Variants in ACOT12 observed in about 807,000 individuals in gnomAD.
ACOT12 encodes the protein acetyl-coenzyme A thioesterase.
In ACOT12, 51 loss-of-function variants were observed where a neutral mutation model predicts 67.7. The observed-to-expected ratio is 0.75, with a 90% CI of 0.60 to 0.95. The LOEUF (loss-of-function observed/expected upper bound fraction) is 0.95. ACOT12 is among the 40% of genes least tolerant of loss of function. ACOT12 has a pLI of 0.00. For synonymous variants in ACOT12, 251 were observed against 244.6 expected, an observed-to-expected ratio of 1.03 and a Z score of -0.24; for missense variants, 734 against 708.1, an observed-to-expected ratio of 1.04 and a Z score of -0.41.
intron 6 of ACOT12, 27 bp downstream of exon 6, chr5:81,347,747 C>T (rs774764503): frequency 6.2e-7 from 1 of 1,608,624 alleles, no homozygotes; most frequent in Non-Finnish European, 8.5e-7. Flanking sequence ...GTCCCAAAAT[C>T]ATAGGCCGAA....
chr5:81,311,138 T>G, the ACOT12 span: 1 of 1,492,016 alleles, frequency 6.7e-7, no homozygotes, highest in Admixed American at 1.7e-5. Context: ...CAGTAAGATG[T>G]GAAAGTGCTT....
intron 1 of ACOT12, among the ~76,000 whole-genome samples, chr5:81,387,255 T>G (rs1022779584): frequency 7.2e-5 from 11 of 152,076 alleles, no homozygotes; most frequent in Admixed American, 6.6e-4. Context: ...TCTGCCTGCC[T>G]CAGCCTCCCA....
intron 1 of ACOT12, among the ~76,000 whole-genome samples, chr5:81,387,532 C>CTTTTTTT (rs71000823): frequency 7.9e-6 from 1 of 127,274 alleles, no homozygotes; most frequent in African/African-American, 3.0e-5. Context: ...TCTTGAGTAT[C>CTTTTTTT]TTTTTTTTTT....
chr5:81,339,599 C>T lies in ACOT12; in HGVS notation c.1128+3073G>A, dbSNP rs571839698. On this transcript the variant is annotated intron_variant, in intron 11 of 14. Transcript: ENST00000307624. ...GAATGGCCTCCTCTCTAAAGTTCTC[C>T]CTATATAACTGTCTTCTCTTGGAAT... is the stretch of plus-strand genomic sequence containing the variant. 2.0e-5 allele frequency among the ~76,000 whole-genome samples: 3 copies of T among 152,288 alleles called. No homozygotes were observed. The East Asian group carries it at 5.8e-4, about 29-fold the overall frequency.
intron 5 of ACOT12, among the ~76,000 whole-genome samples, chr5:81,356,524 G>A (rs1455498448): frequency 6.6e-6 from 1 of 152,120 alleles, no homozygotes; most frequent in Non-Finnish European, 1.5e-5. Flanking sequence ...TTGTCTCTCA[G>A]ATGAAATCTC....
the ACOT12 span, among the ~76,000 whole-genome samples, chr5:81,309,614 G>A: frequency 1.5e-3 from 226 of 152,292 alleles, 1 homozygote; most frequent in Middle Eastern, 3.4e-3. Flanking sequence ...GGCTCTAGAC[G>A]TTTCTTGTGT....
intron 2 of ACOT12, among the ~76,000 whole-genome samples, chr5:81,379,929 C>T (rs1444236018): frequency 6.6e-6 from 1 of 152,096 alleles, no homozygotes; most frequent in African/African-American, 2.4e-5. Context: ...ACAAGATGAA[C>T]CAGTTGGGTT....
intron 6 of ACOT12, among the ~76,000 whole-genome samples, 181 bp downstream of exon 6, chr5:81,347,593 A>G (rs1355121896): frequency 6.6e-6 from 1 of 152,192 alleles, no homozygotes; most frequent in Non-Finnish European, 1.5e-5. Flanking sequence ...TTCACCTTCA[A>G]ACAAAAGGAC....
intron 13 of ACOT12, among the ~76,000 whole-genome samples, chr5:81,331,502 A>C (rs1469171240): frequency 1.3e-5 from 2 of 152,204 alleles, no homozygotes; most frequent in Non-Finnish European, 2.9e-5. Flanking sequence ...GTGCCATTGC[A>C]CTCCAGCCTG....
intron 11 of ACOT12, among the ~76,000 whole-genome samples, chr5:81,336,689 C>T (rs1034911303): frequency 1.4e-4 from 22 of 152,152 alleles, no homozygotes; most frequent in African/African-American, 5.3e-4. Context: ...TTCTTTATCT[C>T]TTTCAGGATA....
chr5:81,329,192 C>T (rs1384873767), downstream of ACOT12, among the ~76,000 whole-genome samples: 1 of 152,156 alleles, frequency 6.6e-6, no homozygotes, highest in Non-Finnish European at 1.5e-5. Flanking sequence ...CTAGGCTAGG[C>T]AGACAGCATT....
chr5:81,319,963 CAGAG>C, the ACOT12 span, among the ~76,000 whole-genome samples: 44,511 of 151,712 alleles, frequency 0.29, 6,804 homozygotes, highest in Middle Eastern at 0.39. Flanking sequence ...AGAGTAAACA[CAGAG>C]AGAGAAATTA....
At chr5:81,354,651 C>T (rs963011206) in intron 5 of ACOT12, among the ~76,000 whole-genome samples, 3 of 152,040 alleles carry the variant, frequency 2.0e-5, no homozygotes, top group African/African-American at 7.2e-5. Flanking sequence ...CACGAATTAT[C>T]TCTTTCTTTT....
At chr5:81,332,685 T>G in intron 12 of ACOT12, 80 bp from the exon 13 acceptor site, 4 of 1,537,554 alleles carry the variant, frequency 2.6e-6, no homozygotes, top group Non-Finnish European at 3.6e-6. Flanking sequence ...TTACATAATC[T>G]CATTATTTGT....
At chr5:81,384,053 C>T (rs545746664) in intron 2 of ACOT12, among the ~76,000 whole-genome samples, 1 of 151,780 alleles carries the variant, frequency 6.6e-6, no homozygotes, top group Admixed American at 6.6e-5. Flanking sequence ...GACTCCTGCA[C>T]TCCTGCAGAG....
intron 5 of ACOT12, among the ~76,000 whole-genome samples, chr5:81,351,183 A>G (rs766703924): frequency 2.0e-5 from 3 of 152,242 alleles, no homozygotes; most frequent in Non-Finnish European, 2.9e-5. Flanking sequence ...GAAATACACA[A>G]TCTTAATCCC....
rs144452433 is a variant in ACOT12 at position 81,349,149 on chromosome 5, G to A, written c.497-1219C>T. On this transcript the variant is annotated intron_variant, in intron 5 of 14. Coordinates refer to ENST00000307624, the MANE Select transcript of ACOT12 (RefSeq NM_130767.3). ...ATGCCCAGCAACTGTTGCTGCTCTC[G>A]GCATAGTCACATCTGGTGATCCAGA... Among the ~76,000 whole-genome samples the A allele has an allele frequency of 2.8e-3, 430 of 152,228 alleles. 2 individuals carry two copies. Among genetic ancestry groups the A allele is most frequent in the South Asian group, 4.6e-3 (22 of 4,820 alleles).
chr5:81,387,953 T>A (rs1580600414), intron 1 of ACOT12, among the ~76,000 whole-genome samples: 1 of 152,232 alleles, frequency 6.6e-6, no homozygotes, highest in African/African-American at 2.4e-5. Flanking sequence ...TGTAGCACTA[T>A]ACTAGATTTC....
intron 3 of ACOT12, among the ~76,000 whole-genome samples, chr5:81,365,204 A>G (rs1302203858): frequency 6.6e-6 from 1 of 152,226 alleles, no homozygotes; most frequent in East Asian, 1.9e-4. Flanking sequence ...ATAATGAGCT[A>G]TCTCAGGCAC....
Sources: gnomAD v4.1 joint callset for allele counts (sites outside exome capture counted in the v4.1 genomes callset) on GRCh38, gnomAD v4.1.1 for gene constraint, MANE v1.5 for transcripts, NCBI Gene and HGNC (gene_info 2026-07-23, HGNC 2026-07-21) for gene names.